CCNC: variants seen among roughly 807,000 people sequenced by gnomAD.
CCNC encodes cyclin-C.
CCNC carries 19 observed loss-of-function variants against 50.0 expected under a neutral mutation model. The ratio of observed to expected loss-of-function variants is 0.38; its 90% confidence interval spans 0.27 to 0.56. The LOEUF is 0.56. Ranked by LOEUF, CCNC falls within the 20% of genes least tolerant of loss-of-function variation. The probability of loss-of-function intolerance (pLI) is 0.72; values close to 1 mark genes in which losing one functional copy is unlikely to be tolerated. For synonymous variants in CCNC, 93 were observed against 103.7 expected (o/e 0.90, Z 0.63); for missense variants, 200 against 327.1 (o/e 0.61, Z 3.00).
intron 5 of CCNC, among the ~76,000 whole-genome samples, chr6:99,555,627 A>G (rs1483433751): frequency 1.3e-5 from 2 of 152,020 alleles, no homozygotes. Context: ...TTTTTTGCAG[A>G]GCTGGAATCT....
intron 3 of CCNC, 75 bp downstream of exon 3, chr6:99,561,520 CAT>C: frequency 1.5e-6 from 2 of 1,342,352 alleles, no homozygotes; most frequent in East Asian, 2.3e-5. Context: ...ATGGTAGACA[CAT>C]GATTCATTTA....
intron 5 of CCNC, among the ~76,000 whole-genome samples, chr6:99,554,025 A>C (rs764668725): frequency 6.6e-6 from 1 of 151,632 alleles, no homozygotes; most frequent in Non-Finnish European, 1.5e-5. Flanking sequence ...ACCACATTAT[A>C]TTTATTTGTC....
intron 9 of CCNC, among the ~76,000 whole-genome samples, 195 bp from the exon 10 acceptor site, chr6:99,546,669 G>C (rs1802083720): frequency 1.3e-5 from 2 of 152,140 alleles, no homozygotes; most frequent in Non-Finnish European, 2.9e-5. Flanking sequence ...ATTACATCAA[G>C]TTCTTGACAT....
chr6:99,566,545 G>T (rs1345821307), intron 1 of CCNC, among the ~76,000 whole-genome samples: 1 of 151,938 alleles, frequency 6.6e-6, no homozygotes, highest in Non-Finnish European at 1.5e-5. Context: ...CAAATACTTA[G>T]TGCCCTTCTA....
rs1159479551 is a variant in CCNC, at chr6:99,549,516, A to G, written c.590T>C (p.Ile197Thr). The G allele has an allele frequency of 6.2e-7, 1 of 1,603,114 alleles. No homozygotes were observed. Among genetic ancestry groups the G allele is most frequent in the Non-Finnish European group, 8.5e-7 (1 of 1,170,320 alleles). Residue 197 changes from isoleucine to threonine, a missense_variant, in exon 9 of 12, where the codon ATA (isoleucine) becomes ACA (threonine). By Grantham distance (89) the Ile-to-Thr change is moderately conservative (BLOSUM62 -1). Coordinates refer to ENST00000520429, the MANE Select transcript of CCNC (RefSeq NM_005190.4). ...ACACCATGCTTACATACCTAAAGCTATCATGAAAGGAGGATACAGTAGGCA... is the reference window on the plus strand; with the variant it reads ...ACACCATGCTTACATACCTAAAGCTGTCATGAAAGGAGGATACAGTAGGCA... The part of the protein sequence containing the change: ...DLCLLYPPFM[I>T]ALACLHVACV...
intron 1 of CCNC, among the ~76,000 whole-genome samples, chr6:99,565,990 G>A (rs1157356480): frequency 1.3e-5 from 2 of 151,890 alleles, no homozygotes; most frequent in African/African-American, 4.8e-5. Context: ...ATTTCAAAAG[G>A]AGATTCTCTT....
At position 99,543,453 on chromosome 6, in the gene CCNC, A is replaced by G; in HGVS notation, c.*102T>C. Reference sequence around the variant, plus strand: ...AATCACTTTCCAATATGCTTGACAGAAACAAGCTATTCATTTTCATTTGTG... The same window carrying G: ...AATCACTTTCCAATATGCTTGACAGGAACAAGCTATTCATTTTCATTTGTG... On this transcript the variant is annotated 3_prime_UTR_variant, in exon 12 of 12. Coordinates refer to ENST00000520429, the MANE Select transcript of CCNC (RefSeq NM_005190.4). The G allele has an allele frequency of 7.8e-7, 1 of 1,285,662 alleles. No homozygotes were observed. Among genetic ancestry groups the G allele is most frequent in the Non-Finnish European group, 1.1e-6 (1 of 899,780 alleles). The allele number at this position is 1,285,662 out of a possible 1,614,324, so 79.6% of individuals were successfully genotyped here.
Position 99,561,613 on chromosome 6 carries a change from T to G in CCNC, c.208A>C (p.Lys70Gln), listed in dbSNP as rs1369197453. 6 of 1,606,844 alleles carry G rather than the reference T, an allele frequency of 3.7e-6. No homozygotes were observed. Among genetic ancestry groups the G allele is most frequent in the Non-Finnish European group, 5.1e-6 (6 of 1,174,848 alleles). The change falls in exon 3 of 12, where the codon AAG becomes CAG. Residue 70 changes from lysine (K) to glutamine (Q), a missense_variant. Physicochemically the swap from Lys to Gln is moderately conservative, Grantham distance 53 (BLOSUM62 1). Coordinates refer to ENST00000520429, the MANE Select transcript of CCNC (RefSeq NM_005190.4). ...QVIATATVYF[K>Q]RFYARYSLKS... ...CAATCCTACCTGGCATAGAATCTCT[T>G]GAAATATACCGTAGCAGTGGCAATA... is the stretch of plus-strand genomic sequence containing the variant.
At chr6:99,544,228 T>G in intron 11 of CCNC, 1 of 1,534,860 alleles carries the variant, frequency 6.5e-7, no homozygotes, top group Non-Finnish European at 8.7e-7. Context: ...ACCATCATCT[T>G]GCAGCTTCAG....
At chr6:99,568,212 C>A (rs1375433838) in intron 1 of CCNC, 2 of 500,446 alleles carry the variant, frequency 4.0e-6, no homozygotes, top group Non-Finnish European at 7.2e-6. Flanking sequence ...CGCGGCCTAG[C>A]TAAACCAAGA....
At chr6:99,556,189 T>C (rs1253274440) in intron 5 of CCNC, among the ~76,000 whole-genome samples, 1 of 152,250 alleles carries the variant, frequency 6.6e-6, no homozygotes, top group African/African-American at 2.4e-5. Flanking sequence ...GGTTTTTGTT[T>C]TTAAATTGTG....
In CCNC at chr6:99,546,487, T is replaced by A; in HGVS notation, c.599-13A>T. The A allele has an allele frequency of 1.3e-6, 2 of 1,568,684 alleles. No individual in the cohort carries two copies. Among genetic ancestry groups the A allele is most frequent in the Non-Finnish European group, 8.8e-7 (1 of 1,139,208 alleles). Reference sequence around the variant, plus strand: ...ACATGTAGGCAAGCTGAAATGAAAATGAGAGACAACTGTCCATGTTTAACT... The same window carrying A: ...ACATGTAGGCAAGCTGAAATGAAAAAGAGAGACAACTGTCCATGTTTAACT... On this transcript the variant is annotated splice_polypyrimidine_tract_variant and intron_variant, in intron 9 of 11. Transcript: ENST00000520429.
intron 2 of CCNC, 126 bp from the exon 3 acceptor site, chr6:99,561,807 CA>C: frequency 1.6e-6 from 1 of 634,324 alleles, no homozygotes; most frequent in Non-Finnish European, 2.8e-6. Context: ...AAAACCTACA[CA>C]TGCTCTATGT....
At chr6:99,544,785 C>T (rs1031462869) in intron 11 of CCNC, among the ~76,000 whole-genome samples, 1 of 146,250 alleles carries the variant, frequency 6.8e-6, no homozygotes, top group Non-Finnish European at 1.5e-5. Flanking sequence ...ATCAAACTGA[C>T]ATGAAACTAC....
intron 2 of CCNC, chr6:99,562,276 C>T (rs1413308956): frequency 6.6e-6 from 1 of 152,504 alleles, no homozygotes. Flanking sequence ...CTGCCCACCT[C>T]TGCCTCCCAA....
chr6:99,559,207 C>A (rs1230012081), intron 4 of CCNC, among the ~76,000 whole-genome samples: 10 of 146,684 alleles, frequency 6.8e-5, no homozygotes, highest in South Asian at 2.2e-4. Context: ...AAAAAAAAAA[C>A]CATATAAATA....
At chr6:99,564,048 TATTGATA>T (rs1768989262) in intron 1 of CCNC, among the ~76,000 whole-genome samples, 1 of 152,190 alleles carries the variant, frequency 6.6e-6, no homozygotes, top group Non-Finnish European at 1.5e-5. Flanking sequence ...GCTGGTAACT[TATTGATA>T]CACATTGTCA....
chr6:99,549,685 T>C, intron 8 of CCNC, 110 bp from the exon 9 acceptor site: 1 of 675,170 alleles, frequency 1.5e-6, no homozygotes, highest in Non-Finnish European at 2.6e-6. Flanking sequence ...TTATTTCCTT[T>C]TATACTACTG....
chr6:99,549,687 A>G, intron 8 of CCNC, 112 bp from the exon 9 acceptor site: 1 of 667,956 alleles, frequency 1.5e-6, no homozygotes, highest in Non-Finnish European at 2.6e-6. Context: ...ATTTCCTTTT[A>G]TACTACTGAA....
Sources: gnomAD v4.1 joint callset for allele counts (sites outside exome capture counted in the v4.1 genomes callset) on GRCh38, gnomAD v4.1.1 for gene constraint, MANE v1.5 for transcripts, NCBI Gene and HGNC (gene_info 2026-07-23, HGNC 2026-07-21) for gene names.